Variants in APBB2 observed in about 807,000 individuals in gnomAD.
APBB2 encodes Fe65-like 1.
In APBB2, 38 loss-of-function variants were observed where a neutral mutation model predicts 82.5. The ratio of observed to expected loss-of-function variants is 0.46; its 90% CI spans 0.36 to 0.60. APBB2 has a LOEUF of 0.60. APBB2 is among the 20% of genes least tolerant of loss of function. The pLI, the probability that APBB2 is intolerant of heterozygous loss-of-function variation, is 0.00. For missense variants in APBB2, 772 were observed against 972.3 expected (o/e 0.79, Z 2.74); for synonymous variants, 341 against 368.2 (o/e 0.93, Z 0.85).
intron 10 of APBB2, among the ~76,000 whole-genome samples, chr4:40,904,770 T>C (rs936480694): frequency 6.6e-6 from 1 of 151,908 alleles, no homozygotes; most frequent in East Asian, 1.9e-4. Context: ...GGGGATTCTC[T>C]GGAGTGAAGC....
chr4:41,108,329 A>C (rs73248258), intron 2 of APBB2, among the ~76,000 whole-genome samples: 20,664 of 152,188 alleles, frequency 0.14, 1,792 homozygotes, highest in Non-Finnish European at 0.19. Flanking sequence ...ACATAGGAAT[A>C]TAGTTCTTCA....
At position 41,061,145 on chromosome 4, in the gene APBB2, G is replaced by T. The variant is rs147478013; in HGVS notation, c.-51+4431C>A. ...TGCAGGCCAAGGTCTGGAAGCTATT[G>T]TAACAGTCCAGATCCTCACAGCTGC... On this transcript the variant is annotated intron_variant, in intron 4 of 17. Transcript: ENST00000508593. Among the ~76,000 whole-genome samples the T allele has an allele frequency of 2.6e-3, 399 of 152,338 alleles. 3 individuals are homozygous for T. Among genetic ancestry groups the T allele is most frequent in the African/African-American group, 9.1e-3 (378 of 41,572 alleles).
intron 2 of APBB2, among the ~76,000 whole-genome samples, chr4:41,104,390 A>C (rs183692199): frequency 6.6e-6 from 1 of 152,328 alleles, no homozygotes; most frequent in East Asian, 1.9e-4. Flanking sequence ...TCAAGGGCCA[A>C]TTTGGGACAA....
intron 4 of APBB2, among the ~76,000 whole-genome samples, chr4:41,063,950 A>ATTTTT (rs11422110): frequency 1.3e-4 from 12 of 91,784 alleles, no homozygotes; most frequent in East Asian, 3.2e-4. Context: ...AAATGCTGGG[A>ATTTTT]TTTTTTTTTT....
At position 40,811,151 on chromosome 4, in the gene APBB2, T is replaced by C. The variant is rs771075189; in HGVS notation, c.*4941A>G. 1 of 152,276 alleles carries C rather than the reference T, an allele frequency of 6.6e-6. No individual in the cohort carries two copies. The highest frequency in any genetic ancestry group is 2.4e-5 in the African/African-American group (1 of 41,468). 9.4% of individuals were successfully genotyped at this position (152,276 alleles called of 1,614,324 possible). A position where few individuals can be genotyped will look rare whatever the true frequency, so the allele number is the denominator to read the frequency against. ...AATTATTTTTCTCTTTAGAAGTATATGAAGATTCTGAATTAAACCATTCAT... is the reference window on the plus strand; with the variant it reads ...AATTATTTTTCTCTTTAGAAGTATACGAAGATTCTGAATTAAACCATTCAT... On this transcript the variant is annotated 3_prime_UTR_variant, in exon 18 of 18. Coordinates refer to ENST00000508593, the MANE Select transcript of APBB2 (RefSeq NM_004307.2).
chr4:40,996,052 G>C (rs1432997995), intron 6 of APBB2, among the ~76,000 whole-genome samples: 1 of 152,176 alleles, frequency 6.6e-6, no homozygotes, highest in African/African-American at 2.4e-5. Context: ...TACATCTGTT[G>C]AGTGTCTCAC....
intron 1 of APBB2, among the ~76,000 whole-genome samples, chr4:41,167,133 C>G (rs13110481): frequency 6.6e-6 from 1 of 152,016 alleles, no homozygotes; most frequent in Admixed American, 6.5e-5. Context: ...AACTCATGAA[C>G]AGTCAAATGG....
intron 1 of APBB2, among the ~76,000 whole-genome samples, chr4:41,149,101 T>G (rs2154026278): frequency 6.6e-6 from 1 of 152,220 alleles, no homozygotes; most frequent in South Asian, 2.1e-4. Flanking sequence ...TGAAGGGCGC[T>G]CTGAGGTTTG....
Position 41,159,969 on chromosome 4 carries a change from GAAGA to G in APBB2, c.-416-16831_-416-16828del, listed in dbSNP as rs1764589942. On this transcript the variant is annotated intron_variant, in intron 1 of 17. Transcript: ENST00000508593. ...AGAAGGAGAAGGAGAAGGAGAAGAA[GAAGA>G]AGAAGAAGAAGAAGAAGAAGAAGAA... Among the ~76,000 whole-genome samples, 85 of 98,732 alleles carry G rather than the reference GAAGA, an allele frequency of 8.6e-4. 1 individual carries two copies. Among genetic ancestry groups the G allele is most frequent in the African/African-American group, 2.3e-3 (59 of 25,720 alleles). 64.8% of individuals were successfully genotyped at this position (98,732 alleles called of 152,430 possible).
chr4:41,172,635 GGGA>G (rs371724818), intron 1 of APBB2, among the ~76,000 whole-genome samples: 27 of 152,356 alleles, frequency 1.8e-4, no homozygotes, highest in African/African-American at 5.8e-4. Flanking sequence ...TTCACGCAAT[GGGA>G]GTGGGCTCTG....
intron 1 of APBB2, chr4:41,193,607 G>A: frequency 2.6e-5 from 26 of 981,134 alleles, no homozygotes; most frequent in Non-Finnish European, 3.1e-5. Context: ...CATGTTCCTT[G>A]CGGAGGCTGC....
chr4:41,098,901 C>T (rs763391174), intron 3 of APBB2, among the ~76,000 whole-genome samples: 2 of 152,158 alleles, frequency 1.3e-5, no homozygotes, highest in Non-Finnish European at 2.9e-5. Context: ...CCAACATAAT[C>T]CTTTTTCAAA....
intron 12 of APBB2, among the ~76,000 whole-genome samples, chr4:40,861,327 G>T (rs1310547171): frequency 6.7e-6 from 1 of 150,370 alleles, no homozygotes; most frequent in Non-Finnish European, 1.5e-5. Flanking sequence ...TCCAGCCTGG[G>T]TAACAGAATG....
intron 4 of APBB2, among the ~76,000 whole-genome samples, chr4:41,064,169 G>A (rs564505315): frequency 1.3e-4 from 19 of 151,934 alleles, no homozygotes; most frequent in South Asian, 6.2e-4. Context: ...TAGTAGAGAC[G>A]GGGTTTCACT....
intron 5 of APBB2, among the ~76,000 whole-genome samples, chr4:41,017,395 G>A (rs1425238780): frequency 6.6e-6 from 1 of 152,164 alleles, no homozygotes; most frequent in Non-Finnish European, 1.5e-5. Flanking sequence ...GGGTCATGAA[G>A]TAGCTACAGG....
intron 6 of APBB2, among the ~76,000 whole-genome samples, chr4:40,985,482 C>A (rs35302880): frequency 0.085 from 13,010 of 152,188 alleles, 776 homozygotes; most frequent in Middle Eastern, 0.15. Context: ...AAGTATGCAG[C>A]AACAGAGAGC....
intron 12 of APBB2, among the ~76,000 whole-genome samples, chr4:40,888,800 G>A (rs1179197292): frequency 5.3e-5 from 8 of 152,170 alleles, no homozygotes; most frequent in Admixed American, 2.0e-4. Context: ...GCACACGTAT[G>A]TAGTGTCACA....
chr4:41,197,072 C>T, intron 1 of APBB2, among the ~76,000 whole-genome samples: 7 of 152,190 alleles, frequency 4.6e-5, no homozygotes, highest in Non-Finnish European at 8.8e-5. Flanking sequence ...AGGTGGTTCA[C>T]CAGATTTAAC....
chr4:40,848,267 C>T (rs2154321179), intron 12 of APBB2, among the ~76,000 whole-genome samples: 1 of 152,360 alleles, frequency 6.6e-6, no homozygotes, highest in South Asian at 2.1e-4. Context: ...TCTAGCCAGG[C>T]TCTATTCTTG....
Sources: gnomAD v4.1 joint callset for allele counts (sites outside exome capture counted in the v4.1 genomes callset) on GRCh38, gnomAD v4.1.1 for gene constraint, MANE v1.5 for transcripts, NCBI Gene and HGNC (gene_info 2026-07-23, HGNC 2026-07-21) for gene names.